Variants in DYNC1I1 observed in about 807,000 individuals in gnomAD.
DYNC1I1 encodes cytoplasmic dynein 1 intermediate chain 1.
In DYNC1I1, 43 loss-of-function variants were observed where a neutral mutation model predicts 86.6. The observed-to-expected ratio is 0.50, with a 90% CI of 0.39 to 0.64. The LOEUF (loss-of-function observed/expected upper bound fraction) is 0.64, where lower values mean the gene tolerates loss of function less well. DYNC1I1 is among the 30% of genes least tolerant of loss of function. The pLI is 0.00. For synonymous variants in DYNC1I1, 262 were observed against 283.7 expected (o/e 0.92, Z 0.77); for missense variants, 604 against 788.8 (o/e 0.77, Z 2.81).
intron 6 of DYNC1I1, among the ~76,000 whole-genome samples, chr7:95,893,602 C>T (rs950373720): frequency 6.6e-6 from 1 of 152,160 alleles, no homozygotes; most frequent in African/African-American, 2.4e-5. Context: ...ACTCCTGTTC[C>T]TATACAAGGT....
chr7:96,012,600 A>G (rs1001568902), intron 10 of DYNC1I1, among the ~76,000 whole-genome samples: 5 of 152,192 alleles, frequency 3.3e-5, no homozygotes, highest in Non-Finnish European at 7.4e-5. Context: ...GGTGAACATG[A>G]GCTCGAGTGA....
intron 11 of DYNC1I1, among the ~76,000 whole-genome samples, chr7:96,031,704 A>G (rs1008397051): frequency 3.3e-5 from 5 of 152,156 alleles, no homozygotes; most frequent in Non-Finnish European, 5.9e-5. Context: ...AGTTGTGGCT[A>G]GGTATTATGG....
intron 14 of DYNC1I1, among the ~76,000 whole-genome samples, chr7:96,071,203 A>C (rs1281282192): frequency 6.6e-6 from 1 of 152,238 alleles, no homozygotes; most frequent in African/African-American, 2.4e-5. Context: ...GAAAAAAATC[A>C]CTGTGATATG....
chr7:96,062,461 C>A (rs1404017070), intron 14 of DYNC1I1, among the ~76,000 whole-genome samples: 1 of 151,388 alleles, frequency 6.6e-6, no homozygotes, highest in Non-Finnish European at 1.5e-5. Context: ...ACAATGGGAA[C>A]CCTTGCAGTA....
At chr7:96,055,449 C>T (rs1039948461) in intron 14 of DYNC1I1, among the ~76,000 whole-genome samples, 2 of 152,052 alleles carry the variant, frequency 1.3e-5, no homozygotes, top group African/African-American at 2.4e-5. Flanking sequence ...ATTTATTTTT[C>T]CACTGCAAAA....
At chr7:95,774,955 A>T (rs1368702017) in intron 1 of DYNC1I1, among the ~76,000 whole-genome samples, 1 of 152,198 alleles carries the variant, frequency 6.6e-6, no homozygotes, top group Admixed American at 6.5e-5. Flanking sequence ...TCTGTTTCAA[A>T]CAAATATATT....
At chr7:95,802,022 A>G (rs1794589714) in intron 1 of DYNC1I1, among the ~76,000 whole-genome samples, 1 of 152,000 alleles carries the variant, frequency 6.6e-6, no homozygotes, top group Non-Finnish European at 1.5e-5. Flanking sequence ...GGCTCTGTTA[A>G]GACTTTGAAT....
At chr7:95,834,498 G>A (rs1326004865) in intron 5 of DYNC1I1, among the ~76,000 whole-genome samples, 24 of 108,102 alleles carry the variant, frequency 2.2e-4, no homozygotes, top group African/African-American at 9.3e-4. Context: ...AATGAGTTAG[G>A]GAGGATTCCC....
intron 10 of DYNC1I1, among the ~76,000 whole-genome samples, chr7:96,001,992 TA>T (rs1233608972): frequency 1.3e-5 from 2 of 152,228 alleles, no homozygotes; most frequent in Non-Finnish European, 2.9e-5. Flanking sequence ...TTGGCATTTT[TA>T]TTTTTCTTGC....
chr7:96,053,803 G>A (rs937308062), intron 14 of DYNC1I1, among the ~76,000 whole-genome samples: 3 of 151,842 alleles, frequency 2.0e-5, no homozygotes, highest in African/African-American at 7.3e-5. Context: ...ACATATGTTA[G>A]TTTCCTAGTA....
intron 5 of DYNC1I1, among the ~76,000 whole-genome samples, chr7:95,868,961 T>TC (rs34990686): frequency 0.21 from 31,532 of 152,036 alleles, 4,201 homozygotes; most frequent in East Asian, 0.45. Context: ...AGGAGGCACT[T>TC]CGATTTTTGC....
chr7:96,105,302 T>C (rs887037503), intron 16 of DYNC1I1, among the ~76,000 whole-genome samples: 1 of 151,964 alleles, frequency 6.6e-6, no homozygotes, highest in Non-Finnish European at 1.5e-5. Context: ...TTATCTTTTT[T>C]CCTCCTGTTT....
In DYNC1I1 at chr7:96,035,711, C is replaced by T. The variant is rs139354581; in HGVS notation, c.1323C>T (p.Gly441=). 60 of 1,611,554 alleles carry T rather than the reference C, an allele frequency of 3.7e-5. No homozygotes were observed. In the African/African-American group the frequency reaches 7.6e-4, roughly 20 times the overall value. Reference sequence around the variant, plus strand: ...GAGACGTCAATAACTTCGTGGTTGGCAGTGAGGAAGGTACAGTCTACACGG... The same window carrying T: ...GAGACGTCAATAACTTCGTGGTTGGTAGTGAGGAAGGTACAGTCTACACGG... ...PTGDVNNFVV[G]SEEGTVYTAC... is the part of the protein sequence containing the mutation. Residue 441 remains glycine, a synonymous_variant, in exon 13 of 17, where the codon GGC becomes GGT. Transcript: ENST00000447467.
chr7:96,000,587 C>A (rs1178437729), intron 10 of DYNC1I1, among the ~76,000 whole-genome samples: 2 of 152,186 alleles, frequency 1.3e-5, no homozygotes, highest in Non-Finnish European at 1.5e-5. Context: ...CAAAACACTT[C>A]TTTTCTGCCA....
intron 14 of DYNC1I1, among the ~76,000 whole-genome samples, chr7:96,074,080 A>G (rs750538390): frequency 3.3e-5 from 5 of 152,228 alleles, no homozygotes; most frequent in Non-Finnish European, 7.3e-5. Flanking sequence ...ATAGAATCAT[A>G]AAATTTAAAA....
intron 10 of DYNC1I1, among the ~76,000 whole-genome samples, chr7:95,997,198 G>A (rs957730997): frequency 2.6e-5 from 4 of 151,664 alleles, no homozygotes; most frequent in Non-Finnish European, 4.4e-5. Context: ...AAATAAGAAC[G>A]GTTCTTTCTT....
chr7:96,028,038 T>C, intron 10 of DYNC1I1, 137 bp from the exon 11 acceptor site: 1 of 1,283,058 alleles, frequency 7.8e-7, no homozygotes, highest in Non-Finnish European at 1.1e-6. Context: ...TATGCACTTT[T>C]ACAGTCCCAG....
intron 1 of DYNC1I1, among the ~76,000 whole-genome samples, chr7:95,784,438 C>T (rs1584218335): frequency 6.6e-6 from 1 of 152,014 alleles, no homozygotes; most frequent in Non-Finnish European, 1.5e-5. Flanking sequence ...GAGGGGAGTC[C>T]GTGAAGCTCA....
chr7:95,776,157 C>T lies in DYNC1I1; in HGVS notation c.-10+3384C>T, dbSNP rs191153227. Among the ~76,000 whole-genome samples the T allele has an allele frequency of 4.6e-3, 707 of 152,248 alleles. 7 individuals carry two copies. The highest frequency in any genetic ancestry group is 0.042 in the South Asian group (203 of 4,818). Reference sequence around the variant, plus strand: ...GCAGTGAGACGAGATTGCACCACTGCAGTCCAGCCTGGGCGACAGAGCAAG... The same window carrying T: ...GCAGTGAGACGAGATTGCACCACTGTAGTCCAGCCTGGGCGACAGAGCAAG... On this transcript the variant is annotated intron_variant, in intron 1 of 16. Coordinates refer to ENST00000447467, the MANE Select transcript of DYNC1I1 (RefSeq NM_001135556.2).
Sources: allele counts gnomAD v4.1 joint callset (sites outside exome capture counted in the v4.1 genomes callset), GRCh38; gene constraint gnomAD v4.1.1; transcripts MANE v1.5; gene names NCBI Gene and HGNC (gene_info 2026-07-23, HGNC 2026-07-21).